Variants in MTMR7 observed in about 807,000 individuals in gnomAD.
MTMR7 encodes the protein myotubularin related protein 7.
A neutral mutation model predicts 81.2 loss-of-function variants in MTMR7; 76 were observed. The ratio of observed to expected loss-of-function variants is 0.94; its 90% CI spans 0.78 to 1.13. The LOEUF (loss-of-function observed/expected upper bound fraction) is 1.13, where lower values mean the gene tolerates loss of function less well. Among genes scored for constraint, MTMR7 ranks in the 50% most tolerant of loss-of-function variants. The probability of loss-of-function intolerance (pLI) is 0.00; values close to 1 mark genes in which losing one functional copy is unlikely to be tolerated. For missense variants in MTMR7, 1,044 were observed against 820.0 expected (o/e 1.27, Z -3.34); for synonymous variants, 372 against 289.8 (o/e 1.28, Z -2.88).
At chr8:17,316,696 C>T (rs1406894412) in intron 7 of MTMR7, among the ~76,000 whole-genome samples, 1 of 152,028 alleles carries the variant, frequency 6.6e-6, no homozygotes, top group Non-Finnish European at 1.5e-5. Context: ...TAATAGAAAA[C>T]CAATCCAGTG....
intron 7 of MTMR7, among the ~76,000 whole-genome samples, chr8:17,320,497 C>A (rs1330921198): frequency 6.6e-6 from 1 of 151,994 alleles, no homozygotes; most frequent in African/African-American, 2.4e-5. Flanking sequence ...TTCTGAGAGG[C>A]AGGTCATGTA....
chr8:17,370,746 A>G (rs1309965520), intron 3 of MTMR7, among the ~76,000 whole-genome samples: 1 of 152,086 alleles, frequency 6.6e-6, no homozygotes, highest in Non-Finnish European at 1.5e-5. Context: ...TAAGAAGTGC[A>G]TAACTTAAAG....
intron 1 of MTMR7, among the ~76,000 whole-genome samples, chr8:17,399,553 C>T (rs1301238083): frequency 6.6e-6 from 1 of 152,114 alleles, no homozygotes; most frequent in African/African-American, 2.4e-5. Context: ...GCCCATACAA[C>T]CCAAAGTAAT....
chr8:17,327,822 A>G (rs1485925706), intron 7 of MTMR7, among the ~76,000 whole-genome samples: 1 of 152,232 alleles, frequency 6.6e-6, no homozygotes, highest in African/African-American at 2.4e-5. Flanking sequence ...TCTAATTACC[A>G]GAGCAAATTT....
intron 3 of MTMR7, among the ~76,000 whole-genome samples, chr8:17,362,553 G>T (rs1820091167): frequency 6.6e-6 from 1 of 152,198 alleles, no homozygotes; most frequent in Non-Finnish European, 1.5e-5. Context: ...CACACAGCCA[G>T]TTACCGGAGA....
intron 4 of MTMR7, among the ~76,000 whole-genome samples, chr8:17,356,103 T>G (rs1271672290): frequency 6.6e-6 from 1 of 152,214 alleles, no homozygotes. Context: ...TTATCACTTT[T>G]GGGCAAACGT....
At chr8:17,404,514 CTT>C (rs1182737488) in intron 1 of MTMR7, among the ~76,000 whole-genome samples, 6 of 151,958 alleles carry the variant, frequency 3.9e-5, no homozygotes, top group African/African-American at 9.6e-5. Flanking sequence ...TTGTATTGCT[CTT>C]GTTACAAACA....
chr8:17,381,201 G>C (rs1820748083), intron 1 of MTMR7, among the ~76,000 whole-genome samples: 1 of 151,984 alleles, frequency 6.6e-6, no homozygotes, highest in East Asian at 1.9e-4. Context: ...GTTGGGGTTA[G>C]ACTGAGGGGA....
chr8:17,348,021 C>T (rs375075369), intron 5 of MTMR7, among the ~76,000 whole-genome samples: 51 of 152,212 alleles, frequency 3.4e-4, no homozygotes, highest in African/African-American at 1.2e-3. Flanking sequence ...TACCTGAAGG[C>T]TAAGTGGGGT....
intron 4 of MTMR7, 130 bp from the exon 5 acceptor site, chr8:17,349,211 T>G: frequency 1.8e-6 from 2 of 1,126,066 alleles, no homozygotes; most frequent in Non-Finnish European, 2.5e-6. Context: ...CAGAGGAGGC[T>G]ATTTCGAGGA....
intron 5 of MTMR7, among the ~76,000 whole-genome samples, chr8:17,347,555 C>T (rs1012521792): frequency 1.8e-4 from 27 of 152,168 alleles, no homozygotes; most frequent in Non-Finnish European, 1.5e-5. Flanking sequence ...TGTTTATAGC[C>T]TCACTCGGCT....
intron 9 of MTMR7, 61 bp downstream of exon 9, chr8:17,311,450 A>T: frequency 6.2e-7 from 1 of 1,605,844 alleles, no homozygotes; most frequent in Non-Finnish European, 8.5e-7. Context: ...TAGTTGTAAA[A>T]ACAGGGGTCC....
intron 7 of MTMR7, among the ~76,000 whole-genome samples, chr8:17,325,580 G>C (rs1419014039): frequency 1.3e-5 from 2 of 152,168 alleles, no homozygotes; most frequent in African/African-American, 4.8e-5. Flanking sequence ...CCACATGCCT[G>C]AGCTGACGCG....
chr8:17,341,524 G>A (rs4921757), intron 5 of MTMR7, 27 bp from the exon 6 acceptor site: 200,344 of 1,609,174 alleles, frequency 0.12, 14,351 homozygotes, highest in Non-Finnish European at 0.15. Flanking sequence ...CAGCAACACA[G>A]CACCATCAGG....
chr8:17,412,248 G>A (rs1821755007), intron 1 of MTMR7, among the ~76,000 whole-genome samples: 1 of 152,096 alleles, frequency 6.6e-6, no homozygotes, highest in African/African-American at 2.4e-5. Flanking sequence ...ATCAATTCTT[G>A]CTGGCCATAA....
rs764779344 is a variant in MTMR7, at chr8:17,371,116, A to G, written c.231T>C (p.Phe77=). The change falls in exon 3 of 14, where the codon TTT becomes TTC. Residue 77 remains phenylalanine (F), a synonymous_variant. Transcript: ENST00000180173. ...GCPLLIRCKN[F]QIIQLIIPQE... The stretch of plus-strand genomic sequence containing the variant: ...GAGGTATGATGAGCTGTATTATCTG[A>G]AAGTTCTTGCAGCGAATCAGCAGAG... 5 of 1,614,246 alleles carry G rather than the reference A, an allele frequency of 3.1e-6. No homozygotes were observed. The East Asian group carries it at 1.1e-4, about 36-fold the overall frequency.
intron 9 of MTMR7, among the ~76,000 whole-genome samples, chr8:17,309,994 G>A (rs935278192): frequency 1.3e-5 from 2 of 151,952 alleles, no homozygotes; most frequent in African/African-American, 4.8e-5. Flanking sequence ...ATTTTATATT[G>A]TTTTATATTT....
chr8:17,348,936 C>T lies in MTMR7; in HGVS notation c.597+17G>A. ...AGAAAAGCAAAGTGTAAAACAAAAA[C>T]ACGCCTCGAGACTTACGTGGTTATC... is the stretch of plus-strand genomic sequence containing the variant. On this transcript the variant is annotated intron_variant, in intron 5 of 13. Coordinates refer to ENST00000180173, the MANE Select transcript of MTMR7 (RefSeq NM_004686.5). The T allele has an allele frequency of 4.3e-6, 7 of 1,613,556 alleles. No individual in the cohort carries two copies. Among genetic ancestry groups the T allele is most frequent in the Non-Finnish European group, 5.9e-6 (7 of 1,179,850 alleles).
At chr8:17,362,520 AG>A (rs1396397576) in intron 3 of MTMR7, among the ~76,000 whole-genome samples, 1 of 152,194 alleles carries the variant, frequency 6.6e-6, no homozygotes, top group African/African-American at 2.4e-5. Context: ...CGCAAACGGG[AG>A]GCACACTCCC....
Sources: gnomAD v4.1 joint callset for allele counts (sites outside exome capture counted in the v4.1 genomes callset) on GRCh38, gnomAD v4.1.1 for gene constraint, MANE v1.5 for transcripts, NCBI Gene and HGNC (gene_info 2026-07-23, HGNC 2026-07-21) for gene names.